The following SCUBE3 variants were observed in gnomAD, a reference collection of about 807,000 sequenced individuals.
SCUBE3 encodes the protein signal peptide, CUB domain and EGF like domain containing 3, also known as signal peptide, CUB and EGF-like domain-containing protein 3.
A neutral mutation model predicts 116.8 loss-of-function variants in SCUBE3; 33 were observed. That is an observed-to-expected ratio of 0.28 (90% confidence interval 0.21 to 0.38). The LOEUF (loss-of-function observed/expected upper bound fraction) is 0.38, where lower values mean the gene tolerates loss of function less well. Ranked by LOEUF, SCUBE3 falls within the 10% of genes least tolerant of loss-of-function variation. SCUBE3 has a pLI of 1.00. For missense variants in SCUBE3, 1,007 were observed against 1,324.8 expected (o/e 0.76, Z 3.72); for synonymous variants, 418 against 496.9 (o/e 0.84, Z 2.11).
rs1364961849 is a variant in SCUBE3, at chr6:35,228,049, A to T, written c.208+347A>T. Among the ~76,000 whole-genome samples the T allele has an allele frequency of 6.6e-6, 1 of 152,160 alleles. No homozygotes were observed. The highest frequency in any genetic ancestry group is 1.5e-5 in the Non-Finnish European group (1 of 68,016). ...CACATCCACAATGGATGGGAACAGA[A>T]AGTGTGCTTCAGAGGAAGTTCATAA... On this transcript the variant is annotated intron_variant, in intron 2 of 21. Transcript: ENST00000274938. The surrounding 1 kb of genome is among the most constrained non-coding windows in gnomAD (Gnocchi z 4.9).
In SCUBE3 at chr6:35,235,410, C is replaced by G. The variant is rs558123011; in HGVS notation, c.712+2109C>G. 8.4e-7 allele frequency: 1 copy of G among 1,191,448 alleles called. No individual in the cohort carries two copies. Among genetic ancestry groups the G allele is most frequent in the East Asian group, 5.7e-5 (1 of 17,650 alleles). 73.8% of individuals were successfully genotyped at this position (1,191,448 alleles called of 1,614,324 possible). On this transcript the variant is annotated intron_variant, in intron 6 of 21. Transcript: ENST00000274938. This position sits in a 1 kb window ranked among gnomAD's most constrained non-coding sequence, Gnocchi z 4.5. Reference sequence around the variant, plus strand: ...GCCAGAGGGCCACAGTGGCTTCTGCCCAGCACCTAAACAGCTTTTTTACAA... The same window carrying G: ...GCCAGAGGGCCACAGTGGCTTCTGCGCAGCACCTAAACAGCTTTTTTACAA...
rs1423499070 is a variant in SCUBE3, at chr6:35,214,645, CAG to C, written c.85+143_85+144del. 1 of 478,770 alleles carries C rather than the reference CAG, an allele frequency of 2.1e-6. No individual in the cohort carries two copies. The highest frequency in any genetic ancestry group is 3.4e-6 in the Non-Finnish European group (1 of 295,710). 29.7% of individuals were successfully genotyped at this position (478,770 alleles called of 1,614,324 possible). A position where few individuals can be genotyped will look rare whatever the true frequency, so the allele number is the denominator to read the frequency against. On this transcript the variant is annotated intron_variant, in intron 1 of 21. Transcript: ENST00000274938. This position sits in a 1 kb window ranked among gnomAD's most constrained non-coding sequence, Gnocchi z 6.3. ...GCTCTGTGCACCCGGACTCCCCGGC[CAG>C]GGGCCCGACCGCTGGGCGCTGCGCC...
At chr6:35,237,394 G>A (rs1783820893) in intron 6 of SCUBE3, among the ~76,000 whole-genome samples, 1 of 152,102 alleles carries the variant, frequency 6.6e-6, no homozygotes, top group Non-Finnish European at 1.5e-5. Context: ...AAATTGATGG[G>A]TATCCTTCAG....
rs1484328996 is a variant in SCUBE3 at position 35,245,146 on chromosome 6, C to G, written c.2402-82C>G. 1.7e-5 allele frequency: 22 copies of G among 1,282,722 alleles called. No individual in the cohort carries two copies. The highest frequency in any genetic ancestry group is 2.5e-5 in the Non-Finnish European group (22 of 885,600). The allele number at this position is 1,282,722 out of a possible 1,614,324, so 79.5% of individuals were successfully genotyped here. Reference sequence around the variant, plus strand: ...TCCCATAAATGTCTGACCTCTACTTCAGAACTCTTCAATTCCCCCAGCACA... The same window carrying G: ...TCCCATAAATGTCTGACCTCTACTTGAGAACTCTTCAATTCCCCCAGCACA... On this transcript the variant is annotated intron_variant, in intron 18 of 21. Coordinates refer to ENST00000274938, the MANE Select transcript of SCUBE3 (RefSeq NM_152753.4). The surrounding 1 kb of genome is among the most constrained non-coding windows in gnomAD (Gnocchi z 4.2).
rs1783632876 is a variant in SCUBE3, at chr6:35,233,429, A to C, written c.712+128A>C. 3.1e-6 allele frequency: 2 copies of C among 649,900 alleles called. No individual in the cohort carries two copies. The highest frequency in any genetic ancestry group is 5.5e-6 in the Non-Finnish European group (2 of 361,044). The allele number at this position is 649,900 out of a possible 1,614,324, so 40.3% of individuals were successfully genotyped here. On this transcript the variant is annotated intron_variant, in intron 6 of 21. Coordinates refer to ENST00000274938, the MANE Select transcript of SCUBE3 (RefSeq NM_152753.4). The surrounding 1 kb of genome is among the most constrained non-coding windows in gnomAD (Gnocchi z 5.7). The stretch of plus-strand genomic sequence containing the variant: ...GCACAGAGGGACTGGTGAGGGAGTT[A>C]AGACCCAGAAAATGCCAGGTCTAGT...
chr6:35,243,190 G>A lies in SCUBE3; in HGVS notation c.1863G>A (p.Pro621=), dbSNP rs777134778. Residue 621 remains proline, a synonymous_variant, in exon 15 of 22, where the codon CCG becomes CCA. Transcript: ENST00000274938. The surrounding 1 kb of genome is among the most constrained non-coding windows in gnomAD (Gnocchi z 6.6). ...TGGTAGCCGGGGAGCGAGCAGAGCC[G>A]ATGGAGTCCTGTAGGCCCGGGCAGC... ...PGLVAGERAE[P]MESCRPGQHR... is the part of the protein sequence containing the mutation. 1.7e-5 allele frequency: 27 copies of A among 1,614,094 alleles called. No individual in the cohort carries two copies. Among genetic ancestry groups the A allele is most frequent in the Admixed American group, 5.0e-5 (3 of 60,014 alleles).
At position 35,244,240 on chromosome 6, in the gene SCUBE3, A is replaced by G. The variant is rs1784230203; in HGVS notation, c.2239+110A>G. ...ACCCACCATTTTCTCCAAACCAGTA[A>G]TGGGCCCAGCTACTTGACCAACCAT... On this transcript the variant is annotated intron_variant, in intron 17 of 21. Transcript: ENST00000274938. This position sits in a 1 kb window ranked among gnomAD's most constrained non-coding sequence, Gnocchi z 4.3. 1 of 948,658 alleles carries G rather than the reference A, an allele frequency of 1.1e-6. No homozygotes were observed. The highest frequency in any genetic ancestry group is 2.3e-5 in the Admixed American group (1 of 43,078). The allele number at this position is 948,658 out of a possible 1,614,324, so 58.8% of individuals were successfully genotyped here.
rs192635495 is a variant in SCUBE3 at position 35,245,583 on chromosome 6, A to C, written c.2599+158A>C. 6.6e-5 allele frequency among the ~76,000 whole-genome samples: 10 copies of C among 152,370 alleles called. No individual in the cohort carries two copies. The East Asian group carries it at 1.9e-3, about 29-fold the overall frequency. On this transcript the variant is annotated intron_variant, in intron 19 of 21. Transcript: ENST00000274938. This position sits in a 1 kb window ranked among gnomAD's most constrained non-coding sequence, Gnocchi z 4.2. ...GCCTTTAGGAAGAGAGAAGCTAACA[A>C]AGGAAAACAGCAATGACACATGTTT...
intron 1 of SCUBE3, among the ~76,000 whole-genome samples, chr6:35,217,086 C>T (rs1782926135): frequency 6.6e-6 from 1 of 151,564 alleles, no homozygotes; most frequent in East Asian, 1.9e-4. Flanking sequence ...AGGGAGGGAG[C>T]ATGAGGGGAC....
rs1581963741 is a variant in SCUBE3, at chr6:35,249,761, A to G, written c.*1056A>G. ...TGGCTTGTGGGCTTCACCAAAGAGG[A>G]CCCCACTCTGAAGCCAGCCTGGAGC... On this transcript the variant is annotated 3_prime_UTR_variant, in exon 22 of 22. Coordinates refer to ENST00000274938, the MANE Select transcript of SCUBE3 (RefSeq NM_152753.4). The G allele has an allele frequency of 6.6e-6, 1 of 152,396 alleles. No homozygotes were observed. Among genetic ancestry groups the G allele is most frequent in the African/African-American group, 2.4e-5 (1 of 41,324 alleles). The allele number at this position is 152,396 out of a possible 1,614,324, so 9.4% of individuals were successfully genotyped here. A position where few individuals can be genotyped will look rare whatever the true frequency, so the allele number is the denominator to read the frequency against.
At position 35,219,438 on chromosome 6, in the gene SCUBE3, T is replaced by C. The variant is rs908882687; in HGVS notation, c.85+4935T>C. The stretch of plus-strand genomic sequence containing the variant: ...AGATGCTGTGCTTTGGCTGAACAAA[T>C]GGGATGATGACCCCTATATAGGGCA... On this transcript the variant is annotated intron_variant, in intron 1 of 21. Coordinates refer to ENST00000274938, the MANE Select transcript of SCUBE3 (RefSeq NM_152753.4). The surrounding 1 kb of genome is among the most constrained non-coding windows in gnomAD (Gnocchi z 4.7). Among the ~76,000 whole-genome samples the C allele has an allele frequency of 2.0e-5, 3 of 152,116 alleles. No homozygotes were observed. The highest frequency in any genetic ancestry group is 7.2e-5 in the African/African-American group (3 of 41,406).
rs1182503309 is a variant in SCUBE3 at position 35,248,949 on chromosome 6, T to G, written c.*244T>G. The stretch of plus-strand genomic sequence containing the variant: ...ACTACCTAGAAAAGCCATTCAGTAC[T>G]GGCTCTAGTCCCCGTGAGATGTAAA... On this transcript the variant is annotated 3_prime_UTR_variant, in exon 22 of 22. Coordinates refer to ENST00000274938, the MANE Select transcript of SCUBE3 (RefSeq NM_152753.4). 2 of 530,490 alleles carry G rather than the reference T, an allele frequency of 3.8e-6. No homozygotes were observed. Among genetic ancestry groups the G allele is most frequent in the Non-Finnish European group, 6.7e-6 (2 of 298,340 alleles). 32.9% of individuals were successfully genotyped at this position (530,490 alleles called of 1,614,324 possible).
At position 35,226,480 on chromosome 6, in the gene SCUBE3, C is replaced by CTTTTTTTTTTTTTTTTTTTTTTTTTT. The variant is rs764779695; in HGVS notation, c.86-1078_86-1077insTTTTTTTTTTTTTTTTTTTTTTTTTT. 1.3e-4 allele frequency among the ~76,000 whole-genome samples: 11 copies of CTTTTTTTTTTTTTTTTTTTTTTTTTT among 85,230 alleles called. 1 individual carries two copies. Among genetic ancestry groups the CTTTTTTTTTTTTTTTTTTTTTTTTTT allele is most frequent in the East Asian group, 5.0e-4 (1 of 2,016 alleles). The allele number at this position is 85,230 out of a possible 152,430, so 55.9% of individuals were successfully genotyped here. ...CAGAAGTTGGACTCTTTTCTATGTC[C>CTTTTTTTTTTTTTTTTTTTTTTTTTT]TTTTTTTTTTTTTTTTTTTTTTGAG... is the stretch of plus-strand genomic sequence containing the variant. On this transcript the variant is annotated intron_variant, in intron 1 of 21. Transcript: ENST00000274938.
Position 35,238,858 on chromosome 6 carries a change from G to A in SCUBE3, c.829+840G>A, listed in dbSNP as rs560058899. Among the ~76,000 whole-genome samples, 5 of 152,290 alleles carry A rather than the reference G, an allele frequency of 3.3e-5. No individual in the cohort carries two copies. The South Asian group carries it at 6.2e-4, about 19-fold the overall frequency. ...AGTGGGGACGAGGAGGACTGGGCTCGTTCTTTGTGTCTTTTGGCCCAACAG... is the reference window on the plus strand; with the variant it reads ...AGTGGGGACGAGGAGGACTGGGCTCATTCTTTGTGTCTTTTGGCCCAACAG... On this transcript the variant is annotated intron_variant, in intron 7 of 21. Coordinates refer to ENST00000274938, the MANE Select transcript of SCUBE3 (RefSeq NM_152753.4).
chr6:35,215,528 C>T (rs577046948), intron 1 of SCUBE3, among the ~76,000 whole-genome samples: 2 of 152,146 alleles, frequency 1.3e-5, no homozygotes, highest in Non-Finnish European at 2.9e-5. Flanking sequence ...GCCTATTGTC[C>T]CAGGGGCTCC....
Position 35,248,565 on chromosome 6 carries a change from C to T in SCUBE3, c.2842C>T (p.Leu948Phe). Residue 948 changes from leucine (L) to phenylalanine (F), a missense_variant, in exon 22 of 22, where the codon CTC (leucine) becomes TTC (phenylalanine). Transcript: ENST00000274938. ...NHQEILKDKK[L>F]IKAFFEVLAH... ...CTGCCATCCTTTGCAGGACAAGAAG[C>T]TCATCAAGGCCTTCTTTGAGGTGCT... 6.2e-7 allele frequency: 1 copy of T among 1,614,024 alleles called. No homozygotes were observed. Among genetic ancestry groups the T allele is most frequent in the Non-Finnish European group, 8.5e-7 (1 of 1,179,916 alleles).
chr6:35,227,935 A>G (rs540586447), intron 2 of SCUBE3, among the ~76,000 whole-genome samples: 1 of 152,318 alleles, frequency 6.6e-6, no homozygotes, highest in African/African-American at 2.4e-5. Flanking sequence ...TTCACAGCCC[A>G]CAACCTGGCT....
At chr6:35,217,526 GGT>G (rs1270473809) in intron 1 of SCUBE3, among the ~76,000 whole-genome samples, 1 of 151,514 alleles carries the variant, frequency 6.6e-6, no homozygotes, top group Non-Finnish European at 1.5e-5. Context: ...TCTCTGTCTC[GGT>G]GTGTCTCTCC....
chr6:35,234,995 A>G (rs1415955428), intron 6 of SCUBE3, among the ~76,000 whole-genome samples: 1 of 152,120 alleles, frequency 6.6e-6, no homozygotes. Context: ...CTTGCCATAT[A>G]TCTAATTTTT....
Sources: allele counts gnomAD v4.1 joint callset (sites outside exome capture counted in the v4.1 genomes callset), GRCh38; gene constraint gnomAD v4.1.1; non-coding constraint Gnocchi (gnomAD v3.1); transcripts MANE v1.5; gene names NCBI Gene and HGNC (gene_info 2026-07-23, HGNC 2026-07-21).